Variants in KCNT2 observed in about 807,000 individuals in gnomAD.
KCNT2 encodes the protein potassium channel subfamily T member 2.
KCNT2 carries 67 observed loss-of-function variants against 153.8 expected under a neutral mutation model. The ratio of observed to expected loss-of-function variants is 0.44; its 90% CI spans 0.36 to 0.53. The LOEUF (loss-of-function observed/expected upper bound fraction) is 0.53, where lower values mean the gene tolerates loss of function less well. Ranked by LOEUF, KCNT2 falls within the 20% of genes least tolerant of loss-of-function variation. The probability of loss-of-function intolerance (pLI) is 0.00; values close to 1 mark genes in which losing one functional copy is unlikely to be tolerated. For missense variants in KCNT2, 975 were observed against 1,354.8 expected, an observed-to-expected ratio of 0.72 and a Z score of 4.40; for synonymous variants, 500 against 458.8, an observed-to-expected ratio of 1.09 and a Z score of -1.15.
At chr1:196,492,584 T>C (rs1442352661) in intron 1 of KCNT2, among the ~76,000 whole-genome samples, 1 of 152,168 alleles carries the variant, frequency 6.6e-6, no homozygotes, top group African/African-American at 2.4e-5. Flanking sequence ...GATAGAATCA[T>C]TTTAAATATT....
chr1:196,347,392 C>G (rs988238070), intron 14 of KCNT2, among the ~76,000 whole-genome samples: 1 of 152,122 alleles, frequency 6.6e-6, no homozygotes, highest in Non-Finnish European at 1.5e-5. Context: ...TTCCAAACTT[C>G]TTATAGCGGC....
chr1:196,528,493 T>C (rs1654539964), intron 1 of KCNT2, among the ~76,000 whole-genome samples: 1 of 152,184 alleles, frequency 6.6e-6, no homozygotes, highest in African/African-American at 2.4e-5. Context: ...AACTTCTTAT[T>C]TTCCGATGAT....
At chr1:196,262,619 G>T (rs2147795321) in intron 25 of KCNT2, among the ~76,000 whole-genome samples, 1 of 151,934 alleles carries the variant, frequency 6.6e-6, no homozygotes, top group Admixed American at 6.6e-5. Flanking sequence ...TTCACTGAAA[G>T]CTTATTTTTA....
intron 14 of KCNT2, among the ~76,000 whole-genome samples, chr1:196,360,751 C>A (rs998714279): frequency 2.6e-5 from 4 of 151,988 alleles, no homozygotes; most frequent in African/African-American, 9.7e-5. Context: ...GAGGACTGGG[C>A]AGAAACCAAA....
intron 1 of KCNT2, among the ~76,000 whole-genome samples, chr1:196,521,348 G>A (rs887773404): frequency 6.6e-6 from 1 of 152,176 alleles, no homozygotes; most frequent in Admixed American, 6.5e-5. Context: ...CATTGATGGT[G>A]GGAGTGTAAG....
chr1:196,417,731 C>T (rs762644389), intron 12 of KCNT2, among the ~76,000 whole-genome samples: 3 of 152,026 alleles, frequency 2.0e-5, no homozygotes, highest in Non-Finnish European at 2.9e-5. Flanking sequence ...CATCATTAGA[C>T]GATTTTGTCA....
intron 8 of KCNT2, among the ~76,000 whole-genome samples, chr1:196,445,916 A>C (rs926125677): frequency 1.3e-5 from 2 of 151,342 alleles, no homozygotes; most frequent in Non-Finnish European, 3.0e-5. Context: ...AAAAAAAAAA[A>C]ATTACTGCAA....
intron 1 of KCNT2, among the ~76,000 whole-genome samples, chr1:196,569,885 C>T (rs537255449): frequency 6.6e-6 from 1 of 152,034 alleles, no homozygotes; most frequent in South Asian, 2.1e-4. Context: ...AAAATAAAGG[C>T]ATGCTTTTGT....
chr1:196,258,439 T>C lies in KCNT2; in HGVS notation c.2966A>G (p.Gln989Arg). 1 of 1,613,892 alleles carries C rather than the reference T, an allele frequency of 6.2e-7. No homozygotes were observed. The highest frequency in any genetic ancestry group is 8.5e-7 in the Non-Finnish European group (1 of 1,179,972). ...EWEDTKDSKE[Q>R]GHHRSNHRNS... ...GCGGTGGTTGCTGCGGTGGTGCCCTTGTTCTTTGGAGTCTTTGGTGTCTTC... is the reference window on the plus strand; with the variant it reads ...GCGGTGGTTGCTGCGGTGGTGCCCTCGTTCTTTGGAGTCTTTGGTGTCTTC... The change falls in exon 26 of 28, where the codon CAA becomes CGA. Residue 989 changes from glutamine to arginine, a missense_variant. Gln to Arg is a conservative substitution (Grantham distance 43). Coordinates refer to ENST00000294725, the MANE Select transcript of KCNT2 (RefSeq NM_198503.5).
chr1:196,368,822 C>A (rs556077041), intron 14 of KCNT2, among the ~76,000 whole-genome samples: 1 of 152,162 alleles, frequency 6.6e-6, no homozygotes, highest in Non-Finnish European at 1.5e-5. Context: ...CGATCCACCA[C>A]CTCAGGAACC....
At chr1:196,433,496 T>G (rs1308458227) in intron 8 of KCNT2, among the ~76,000 whole-genome samples, 3 of 152,068 alleles carry the variant, frequency 2.0e-5, no homozygotes, top group Non-Finnish European at 4.4e-5. Flanking sequence ...TGAAACTAAA[T>G]TGAGGTGATG....
At chr1:196,514,282 A>G (rs1217103321) in intron 1 of KCNT2, among the ~76,000 whole-genome samples, 1 of 152,116 alleles carries the variant, frequency 6.6e-6, no homozygotes, top group Non-Finnish European at 1.5e-5. Context: ...TCTTATTTAC[A>G]TTTTTATCTG....
chr1:196,605,876 T>G (rs1220294001), intron 1 of KCNT2, among the ~76,000 whole-genome samples: 1 of 152,184 alleles, frequency 6.6e-6, no homozygotes, highest in African/African-American at 2.4e-5. Flanking sequence ...GTGCTGTAAA[T>G]TATTCTTATA....
chr1:196,292,349 TC>T (rs1300049794), intron 22 of KCNT2, among the ~76,000 whole-genome samples: 1 of 152,152 alleles, frequency 6.6e-6, no homozygotes, highest in East Asian at 1.9e-4. Context: ...GTATAAAAAC[TC>T]CACAGCTAAC....
At chr1:196,379,014 A>G (rs1000849792) in intron 13 of KCNT2, among the ~76,000 whole-genome samples, 7 of 151,140 alleles carry the variant, frequency 4.6e-5, no homozygotes, top group African/African-American at 1.5e-4. Flanking sequence ...TACATATCTC[A>G]GTTTCCCTTT....
chr1:196,355,480 A>G (rs1188364355), intron 14 of KCNT2, among the ~76,000 whole-genome samples: 1 of 151,796 alleles, frequency 6.6e-6, no homozygotes, highest in Non-Finnish European at 1.5e-5. Flanking sequence ...GTTTTCAAGC[A>G]TTATTGACAG....
chr1:196,281,084 G>A (rs1464574030), intron 24 of KCNT2, 96 bp from the exon 25 acceptor site: 10 of 933,894 alleles, frequency 1.1e-5, no homozygotes, highest in Non-Finnish European at 1.5e-5. Context: ...TTTGTGGGGG[G>A]CAGGGTCTCA....
chr1:196,577,058 G>A (rs564873344), intron 1 of KCNT2, among the ~76,000 whole-genome samples: 1 of 152,142 alleles, frequency 6.6e-6, no homozygotes, highest in Admixed American at 6.5e-5. Flanking sequence ...TATGCCAACA[G>A]ATTACTATTA....
chr1:196,309,726 G>A (rs1558128747), intron 21 of KCNT2, among the ~76,000 whole-genome samples: 1 of 151,534 alleles, frequency 6.6e-6, no homozygotes, highest in Non-Finnish European at 1.5e-5. Flanking sequence ...GATTTATTTA[G>A]TCTCCTTTGA....
Sources: allele counts gnomAD v4.1 joint callset (sites outside exome capture counted in the v4.1 genomes callset), GRCh38; gene constraint gnomAD v4.1.1; transcripts MANE v1.5; gene names NCBI Gene and HGNC (gene_info 2026-07-23, HGNC 2026-07-21).